CFAP47: variants seen among roughly 807,000 people sequenced by gnomAD.
CFAP47 encodes the protein cilia and flagella associated protein 47.
Under a neutral mutation model 148.1 loss-of-function variants are expected in CFAP47, and 29 were observed. The ratio of observed to expected loss-of-function variants is 0.20; its 90% CI spans 0.15 to 0.27. The LOEUF is 0.27. CFAP47 is among the 10% of genes least tolerant of loss of function. The pLI, the probability that CFAP47 is intolerant of heterozygous loss-of-function variation, is 1.00. For synonymous variants in CFAP47, 664 were observed against 577.3 expected (o/e 1.15, Z -2.15); for missense variants, 1,872 against 1,697.5 (o/e 1.10, Z -1.81).
intron 6 of CFAP47, among the ~76,000 whole-genome samples, chrX:35,953,106 T>C (rs751888779): frequency 8.9e-6 from 1 of 112,322 alleles, no homozygotes; most frequent in African/African-American, 3.2e-5. Flanking sequence ...AAACAAAATT[T>C]AACTGTTAGC....
At chrX:36,087,534 G>T (rs995303303) in intron 30 of CFAP47, among the ~76,000 whole-genome samples, 4 of 112,042 alleles carry the variant, frequency 3.6e-5, no homozygotes, top group Non-Finnish European at 7.5e-5. Context: ...TTTCAACTCC[G>T]CTGGCTTATC....
At chrX:36,249,749 G>A (rs782419756) in intron 48 of CFAP47, among the ~76,000 whole-genome samples, 6 of 110,956 alleles carry the variant, frequency 5.4e-5, no homozygotes, top group African/African-American at 1.6e-4. Flanking sequence ...GATTATAGCC[G>A]AAATACTCTC....
intron 33 of CFAP47, among the ~76,000 whole-genome samples, chrX:36,126,950 T>G (rs867475609): frequency 1.1e-4 from 12 of 112,429 alleles, no homozygotes; most frequent in Middle Eastern, 4.7e-3. Flanking sequence ...GGTTGTTTTT[T>G]TCTTGTAAAT....
At chrX:36,219,083 T>A (rs959055591) in intron 45 of CFAP47, among the ~76,000 whole-genome samples, 1 of 111,782 alleles carries the variant, frequency 8.9e-6, no homozygotes, top group Non-Finnish European at 1.9e-5. Flanking sequence ...GATGCTTAGT[T>A]AATCTCTCCT....
intron 30 of CFAP47, among the ~76,000 whole-genome samples, chrX:36,090,784 A>G (rs1301531977): frequency 9.1e-6 from 1 of 109,811 alleles, no homozygotes. Context: ...TGATAATACA[A>G]TAGGTAAGAA....
Position 36,344,582 on chromosome X carries a change from A to G in CFAP47, c.8444-3547A>G, listed in dbSNP as rs907355913. Among the ~76,000 whole-genome samples, 5 of 112,072 alleles carry G rather than the reference A, an allele frequency of 4.5e-5. No individual in the cohort carries two copies. The East Asian group carries it at 1.4e-3, about 31-fold the overall frequency. ...ATGTTTGTCATGACATCATCTTTCT[A>G]TACTTTCAATTTAAACGTTAAAAGA... On this transcript the variant is annotated intron_variant, in intron 57 of 63. Coordinates refer to ENST00000378653, the MANE Select transcript of CFAP47 (RefSeq NM_001304548.2).
chrX:36,081,814 A>G (rs1253318424), intron 29 of CFAP47, among the ~76,000 whole-genome samples: 1 of 111,479 alleles, frequency 9.0e-6, no homozygotes, highest in Non-Finnish European at 1.9e-5. Flanking sequence ...AAAAATCTCA[A>G]CAGAGTCACC....
chrX:36,330,202 C>G (rs1941552832), intron 57 of CFAP47, among the ~76,000 whole-genome samples: 1 of 109,302 alleles, frequency 9.1e-6, no homozygotes, highest in Admixed American at 1.0e-4. Context: ...CTAGGCAAAA[C>G]TAGAACCATG....
intron 57 of CFAP47, among the ~76,000 whole-genome samples, chrX:36,334,811 A>G (rs1422397458): frequency 9.1e-6 from 1 of 110,405 alleles, no homozygotes; most frequent in African/African-American, 3.3e-5. Flanking sequence ...CTGTTTTCCT[A>G]TCTCACATCC....
chrX:36,302,599 GTTA>G (rs1394688886), intron 53 of CFAP47, among the ~76,000 whole-genome samples: 2 of 111,897 alleles, frequency 1.8e-5, no homozygotes, highest in Non-Finnish European at 3.8e-5. Context: ...ATAAAATTAT[GTTA>G]TTATGTTATA....
chrX:36,274,162 T>C (rs901471392), intron 49 of CFAP47, among the ~76,000 whole-genome samples: 1 of 112,103 alleles, frequency 8.9e-6, no homozygotes, highest in Admixed American at 9.5e-5. Flanking sequence ...CAATTTCTAT[T>C]TGTTAAGGGA....
At chrX:36,181,919 G>A (rs1939754713) in intron 40 of CFAP47, among the ~76,000 whole-genome samples, 1 of 112,478 alleles carries the variant, frequency 8.9e-6, no homozygotes, top group Admixed American at 9.4e-5. Flanking sequence ...GATGATGGCT[G>A]AGGCCCAAGT....
At chrX:36,015,548 G>C (rs1937087609) in intron 22 of CFAP47, among the ~76,000 whole-genome samples, 1 of 111,213 alleles carries the variant, frequency 9.0e-6, no homozygotes, top group Admixed American at 9.6e-5. Flanking sequence ...TAAAATAGTA[G>C]GGAGTATCAT....
intron 33 of CFAP47, among the ~76,000 whole-genome samples, chrX:36,116,321 TTTTCTG>T (rs1414301953): frequency 8.9e-6 from 1 of 112,351 alleles, no homozygotes; most frequent in African/African-American, 3.2e-5. Context: ...TGGTATTTGG[TTTTCTG>T]TTTCTAAGTT....
chrX:36,205,314 T>C (rs1000904991), intron 45 of CFAP47, among the ~76,000 whole-genome samples: 9 of 112,133 alleles, frequency 8.0e-5, no homozygotes, highest in Non-Finnish European at 1.1e-4. Flanking sequence ...TAATCAAAAT[T>C]ATGTACTGAA....
intron 22 of CFAP47, among the ~76,000 whole-genome samples, chrX:36,017,639 A>G (rs58847755): frequency 0.022 from 2,434 of 111,568 alleles, 80 homozygotes; most frequent in African/African-American, 0.076. Flanking sequence ...TTATTGAAGT[A>G]AGTCTTTTCC....
rs1556017866 is a variant in CFAP47, at chrX:36,353,536, A to G, written c.8706A>G (p.Ile2902Met). ...APPPKSPPVV[I>M]QCQSRKRAEE... ...AATATTTCTCTCCTGCAGTTGTCAT[A>G]CAATGTCAGTCCAGGAAGCGGGCAG... The change falls in exon 60 of 64, where the codon ATA (isoleucine) becomes ATG (methionine). Residue 2902 changes from isoleucine to methionine, a missense_variant. Transcript: ENST00000378653. 3.4e-6 allele frequency: 4 copies of G among 1,163,357 alleles called. No individual in the cohort carries two copies. Among genetic ancestry groups the G allele is most frequent in the Non-Finnish European group, 4.6e-6 (4 of 870,158 alleles).
intron 42 of CFAP47, among the ~76,000 whole-genome samples, chrX:36,194,861 G>A (rs1939903365): frequency 8.9e-6 from 1 of 112,048 alleles, no homozygotes; most frequent in Non-Finnish European, 1.9e-5. Context: ...ATATTTGGGT[G>A]GAGACACAGA....
chrX:36,324,668 T>A (rs782516592), intron 57 of CFAP47, among the ~76,000 whole-genome samples: 1 of 111,626 alleles, frequency 9.0e-6, no homozygotes, highest in East Asian at 2.8e-4. Context: ...CAAATATATG[T>A]TATTGGGATT....
Sources: gnomAD v4.1 joint callset for allele counts (sites outside exome capture counted in the v4.1 genomes callset) on GRCh38, gnomAD v4.1.1 for gene constraint, MANE v1.5 for transcripts, NCBI Gene and HGNC (gene_info 2026-07-23, HGNC 2026-07-21) for gene names.